The following PSMB7 variants were observed in gnomAD, a reference collection of about 807,000 sequenced individuals.
PSMB7 encodes proteasome subunit beta type-7.
PSMB7 carries 5 observed loss-of-function variants against 28.1 expected under a neutral mutation model. The ratio of observed to expected loss-of-function variants is 0.18; its 90% CI spans 0.09 to 0.37. PSMB7 has a LOEUF of 0.37. PSMB7 is among the 10% of genes least tolerant of loss of function. PSMB7 has a pLI of 1.00. For missense variants in PSMB7, 275 were observed against 346.2 expected (o/e 0.79, Z 1.63); for synonymous variants, 122 against 123.7 (o/e 0.99, Z 0.09).
chr9:124,409,392 T>C (rs1448320571), intron 4 of PSMB7, among the ~76,000 whole-genome samples: 1 of 152,186 alleles, frequency 6.6e-6, no homozygotes, highest in Admixed American at 6.5e-5. Flanking sequence ...CACAACAGCA[T>C]TTCACTAACA....
intron 6 of PSMB7, among the ~76,000 whole-genome samples, chr9:124,378,709 T>C (rs1433318860): frequency 1.3e-5 from 2 of 152,196 alleles, no homozygotes; most frequent in African/African-American, 4.8e-5. Context: ...TACAAAGAAA[T>C]AGAATAGAAG....
chr9:124,395,623 GCACA>G (rs1187552097), intron 5 of PSMB7, among the ~76,000 whole-genome samples: 1 of 152,120 alleles, frequency 6.6e-6, no homozygotes, highest in Non-Finnish European at 1.5e-5. Flanking sequence ...CACATAAAAA[GCACA>G]CAGTGATGTA....
At chr9:124,358,485 T>C (rs1830435557) in intron 6 of PSMB7, among the ~76,000 whole-genome samples, 3 of 152,240 alleles carry the variant, frequency 2.0e-5, no homozygotes, top group African/African-American at 4.8e-5. Context: ...CGGGATCCGC[T>C]AATTAGGAAT....
At position 124,357,753 on chromosome 9, in the gene PSMB7, C is replaced by T. The variant is rs75565104; in HGVS notation, c.571-838G>A. Among the ~76,000 whole-genome samples, 1,116 of 152,320 alleles carry T rather than the reference C, an allele frequency of 7.3e-3. 15 individuals carry two copies. Among genetic ancestry groups the T allele is most frequent in the African/African-American group, 0.025 (1,057 of 41,560 alleles). On this transcript the variant is annotated intron_variant, in intron 6 of 7. Transcript: ENST00000259457. ...AAGCTAGGGCTGCAGAGGTGGATGA[C>T]GCCCCCAGATCCCTGCCCCCTAGGG...
chr9:124,401,047 G>T (rs1588580723), intron 5 of PSMB7, among the ~76,000 whole-genome samples: 2 of 152,026 alleles, frequency 1.3e-5, no homozygotes, highest in Admixed American at 1.3e-4. Context: ...TCATTTGTGT[G>T]TTTTTTTTAA....
chr9:124,358,343 A>G, intron 6 of PSMB7, among the ~76,000 whole-genome samples: 1 of 152,236 alleles, frequency 6.6e-6, no homozygotes, highest in East Asian at 1.9e-4. Flanking sequence ...TGGGCTCCTC[A>G]GCAAACCAGC....
rs536180336 is a variant in PSMB7, at chr9:124,355,278, A to G, written c.722+1486T>C. Among the ~76,000 whole-genome samples the G allele has an allele frequency of 4.6e-5, 7 of 152,334 alleles. No individual in the cohort carries two copies. The East Asian group carries it at 1.4e-3, about 29-fold the overall frequency. ...TGCTGATTCTTCCCAAGCAGCCGCA[A>G]GGCGGTTTTCTTTTGTTCTTGGGTG... On this transcript the variant is annotated intron_variant, in intron 7 of 7. Transcript: ENST00000259457.
At chr9:124,399,349 G>T (rs1468829946) in intron 5 of PSMB7, among the ~76,000 whole-genome samples, 1 of 152,156 alleles carries the variant, frequency 6.6e-6, no homozygotes, top group Non-Finnish European at 1.5e-5. Flanking sequence ...AAGCAAAGTG[G>T]GGCCAAGGCG....
chr9:124,399,244 T>G (rs1436204523), intron 5 of PSMB7, among the ~76,000 whole-genome samples: 1 of 152,186 alleles, frequency 6.6e-6, no homozygotes, highest in Admixed American at 6.5e-5. Flanking sequence ...ATTCACTGAG[T>G]TGCACAGGGC....
At chr9:124,379,701 T>C (rs1458864304) in intron 6 of PSMB7, among the ~76,000 whole-genome samples, 1 of 152,246 alleles carries the variant, frequency 6.6e-6, no homozygotes, top group Admixed American at 6.5e-5. Flanking sequence ...CATTTGCCCT[T>C]TGCCCCATCT....
chr9:124,415,266 T>C (rs2131185604), intron 1 of PSMB7, 98 bp downstream of exon 1: 1 of 1,328,570 alleles, frequency 7.5e-7, no homozygotes, highest in Non-Finnish European at 1.1e-6. Flanking sequence ...CCGCCATGAA[T>C]TCTTCCCTCA....
chr9:124,385,395 G>A (rs1319684783), intron 5 of PSMB7, among the ~76,000 whole-genome samples: 2 of 152,202 alleles, frequency 1.3e-5, no homozygotes, highest in Non-Finnish European at 2.9e-5. Context: ...AGGACGTAAA[G>A]CCATTACAAA....
At chr9:124,361,829 A>G (rs1197833047) in intron 6 of PSMB7, among the ~76,000 whole-genome samples, 1 of 152,242 alleles carries the variant, frequency 6.6e-6, no homozygotes, top group African/African-American at 2.4e-5. Context: ...GGCATCCACT[A>G]TAGTGCAGGT....
chr9:124,375,831 G>A (rs1830605387), intron 6 of PSMB7, among the ~76,000 whole-genome samples: 1 of 152,156 alleles, frequency 6.6e-6, no homozygotes, highest in African/African-American at 2.4e-5. Flanking sequence ...GATCTCCACT[G>A]TCTGCTGTGT....
At chr9:124,377,774 C>T (rs1463196572) in intron 6 of PSMB7, among the ~76,000 whole-genome samples, 4 of 152,212 alleles carry the variant, frequency 2.6e-5, no homozygotes, top group African/African-American at 7.2e-5. Flanking sequence ...CGCTTGTATA[C>T]GTCACCACCT....
chr9:124,410,348 A>AT (rs1831016795), intron 4 of PSMB7, among the ~76,000 whole-genome samples: 1 of 152,174 alleles, frequency 6.6e-6, no homozygotes, highest in South Asian at 2.1e-4. Flanking sequence ...CATTTGCTAG[A>AT]TTTTTTTGCT....
chr9:124,366,205 G>A (rs1388987473), intron 6 of PSMB7, among the ~76,000 whole-genome samples: 1 of 152,186 alleles, frequency 6.6e-6, no homozygotes, highest in African/African-American at 2.4e-5. Context: ...CTGAGGTCAA[G>A]AGTTTGAGAC....
At chr9:124,366,213 G>T (rs1830506380) in intron 6 of PSMB7, among the ~76,000 whole-genome samples, 1 of 152,224 alleles carries the variant, frequency 6.6e-6, no homozygotes, top group Admixed American at 6.5e-5. Context: ...AAGAGTTTGA[G>T]ACCAGCCTGG....
chr9:124,375,091 G>C (rs1452306007), intron 6 of PSMB7, among the ~76,000 whole-genome samples: 1 of 151,772 alleles, frequency 6.6e-6, no homozygotes, highest in Non-Finnish European at 1.5e-5. Context: ...TAGGCCAACA[G>C]AGTGAGACTC....
Sources: gnomAD v4.1 joint callset for allele counts (sites outside exome capture counted in the v4.1 genomes callset) on GRCh38, gnomAD v4.1.1 for gene constraint, MANE v1.5 for transcripts, NCBI Gene and HGNC (gene_info 2026-07-23, HGNC 2026-07-21) for gene names.